The following MLLT3 variants were observed in gnomAD, a reference collection of about 807,000 sequenced individuals.
The protein encoded by MLLT3 is MLLT3 super elongation complex subunit.
In MLLT3, 4 loss-of-function variants were observed where a neutral mutation model predicts 53.2. That is an observed-to-expected ratio of 0.08 (90% CI 0.04 to 0.17). MLLT3 has a LOEUF of 0.17. Among genes scored for constraint, MLLT3 ranks in the 10% least tolerant of loss-of-function variants. The pLI, the probability that MLLT3 is intolerant of heterozygous loss-of-function variation, is 1.00. For synonymous variants in MLLT3, 283 were observed against 230.6 expected (o/e 1.23, Z -2.06); for missense variants, 569 against 684.0 (o/e 0.83, Z 1.87).
At chr9:20,367,366 G>C (rs552806455) in intron 5 of MLLT3, among the ~76,000 whole-genome samples, 2 of 152,314 alleles carry the variant, frequency 1.3e-5, no homozygotes, top group Admixed American at 1.3e-4. Context: ...TCTGTAGACT[G>C]CCAGCACTTG....
In MLLT3 at chr9:20,536,748, G is replaced by C. The variant is rs572808742; in HGVS notation, c.194-79962C>G. 8.6e-5 allele frequency among the ~76,000 whole-genome samples: 13 copies of C among 151,904 alleles called. No individual in the cohort carries two copies. In the South Asian group the frequency reaches 2.5e-3, roughly 29 times the overall value. ...TTTGTTTTAATAAAATCTACTGTGTGCATCTTTTAAAAATACAAAATTACT... is the reference window on the plus strand; with the variant it reads ...TTTGTTTTAATAAAATCTACTGTGTCCATCTTTTAAAAATACAAAATTACT... On this transcript the variant is annotated intron_variant, in intron 2 of 10. Coordinates refer to ENST00000380338, the MANE Select transcript of MLLT3 (RefSeq NM_004529.4).
chr9:20,438,003 T>G (rs1215595729), intron 4 of MLLT3, among the ~76,000 whole-genome samples: 1 of 152,170 alleles, frequency 6.6e-6, no homozygotes, highest in Non-Finnish European at 1.5e-5. Context: ...ATCAAAAGTT[T>G]TTGCTCCCTA....
In MLLT3 at chr9:20,620,796, G is replaced by T. The variant is rs1177104183; in HGVS notation, c.51C>A (p.Ala17=). ...VQVKLELGHR[A]QVRKKPTVEG... ...CCACGGTGGGTTTTTTCCTCACCTG[G>T]GCGCGGTGCCCCAGCTCCAGCTTCA... Residue 17 remains alanine (A), a synonymous_variant, in exon 2 of 11, where the codon GCC becomes GCA. Transcript: ENST00000380338. The surrounding 1 kb of genome is among the most constrained non-coding windows in gnomAD (Gnocchi z 6.1). The T allele has an allele frequency of 6.2e-7, 1 of 1,614,066 alleles. No individual in the cohort carries two copies.
At chr9:20,481,564 G>C (rs1005136246) in intron 2 of MLLT3, among the ~76,000 whole-genome samples, 1 of 152,120 alleles carries the variant, frequency 6.6e-6, no homozygotes, top group Non-Finnish European at 1.5e-5. Context: ...CAGATACAAA[G>C]AGACAACTGT....
intron 5 of MLLT3, among the ~76,000 whole-genome samples, chr9:20,371,202 C>A (rs1821591117): frequency 6.6e-6 from 1 of 152,184 alleles, no homozygotes; most frequent in Non-Finnish European, 1.5e-5. Context: ...AATAAGCCAT[C>A]TCTGTAACAT....
intron 7 of MLLT3, among the ~76,000 whole-genome samples, chr9:20,361,477 C>G (rs528820918): frequency 6.6e-6 from 1 of 152,274 alleles, no homozygotes; most frequent in African/African-American, 2.4e-5. Context: ...GCCCGGCATG[C>G]TAGGACCATT....
chr9:20,447,899 T>A (rs1339874813), intron 4 of MLLT3, among the ~76,000 whole-genome samples: 2 of 152,158 alleles, frequency 1.3e-5, no homozygotes, highest in Admixed American at 6.6e-5. Context: ...TTAAGGCTGT[T>A]TTAATAAATA....
chr9:20,385,800 A>G (rs964444315), intron 5 of MLLT3, among the ~76,000 whole-genome samples: 1 of 152,208 alleles, frequency 6.6e-6, no homozygotes. Flanking sequence ...ATAATTATAT[A>G]CCACTAATTG....
intron 2 of MLLT3, among the ~76,000 whole-genome samples, chr9:20,460,928 G>A (rs931202800): frequency 4.6e-5 from 7 of 152,158 alleles, no homozygotes; most frequent in Non-Finnish European, 8.8e-5. Flanking sequence ...AGTTCTGAGA[G>A]CACCACATGT....
intron 10 of MLLT3, among the ~76,000 whole-genome samples, chr9:20,348,945 AT>A (rs963302172): frequency 4.0e-5 from 6 of 151,558 alleles, no homozygotes; most frequent in South Asian, 2.1e-4. Flanking sequence ...TTCTGGAATA[AT>A]TTTTTTTTGC....
intron 4 of MLLT3, among the ~76,000 whole-genome samples, chr9:20,431,626 G>A (rs540112685): frequency 6.6e-6 from 1 of 152,086 alleles, no homozygotes; most frequent in East Asian, 1.9e-4. Context: ...TATGGGTCAC[G>A]GTCATAAAAG....
chr9:20,354,016 A>G (rs566123043), intron 9 of MLLT3, among the ~76,000 whole-genome samples: 1 of 152,316 alleles, frequency 6.6e-6, no homozygotes, highest in South Asian at 2.1e-4. Context: ...AAGTTTGAAC[A>G]TGGAAACAAG....
chr9:20,603,554 T>C (rs1820489171), intron 2 of MLLT3, among the ~76,000 whole-genome samples: 1 of 152,236 alleles, frequency 6.6e-6, no homozygotes, highest in East Asian at 1.9e-4. Context: ...TTATTCTATT[T>C]TGGCACGTTT....
intron 2 of MLLT3, among the ~76,000 whole-genome samples, chr9:20,588,691 T>C (rs1194941173): frequency 2.0e-5 from 3 of 152,208 alleles, no homozygotes; most frequent in Middle Eastern, 3.2e-3. Context: ...CACATTGATT[T>C]TGTATCCTGA....
chr9:20,383,050 C>A (rs1333930971), intron 5 of MLLT3, among the ~76,000 whole-genome samples: 2 of 151,784 alleles, frequency 1.3e-5, no homozygotes, highest in Non-Finnish European at 1.5e-5. Flanking sequence ...GAACTTTAAG[C>A]CCCTACTCAT....
chr9:20,495,588 T>C (rs551581961), intron 2 of MLLT3, among the ~76,000 whole-genome samples: 1 of 152,296 alleles, frequency 6.6e-6, no homozygotes, highest in Non-Finnish European at 1.5e-5. Context: ...TCAGTGCCTA[T>C]TAACAGCGTT....
At chr9:20,420,443 T>C (rs1822979246) in intron 4 of MLLT3, among the ~76,000 whole-genome samples, 1 of 152,126 alleles carries the variant, frequency 6.6e-6, no homozygotes, top group South Asian at 2.1e-4. Flanking sequence ...AAAGAAAGTA[T>C]GAGTGCTAGA....
intron 2 of MLLT3, among the ~76,000 whole-genome samples, chr9:20,531,742 C>A (rs1195898925): frequency 6.6e-6 from 1 of 152,096 alleles, no homozygotes; most frequent in African/African-American, 2.4e-5. Context: ...TTCAAAATAT[C>A]AAATATACAA....
chr9:20,550,793 T>C (rs1312872818), intron 2 of MLLT3, among the ~76,000 whole-genome samples: 1 of 152,246 alleles, frequency 6.6e-6, no homozygotes, highest in African/African-American at 2.4e-5. Flanking sequence ...GGTCTCACTC[T>C]GTTGTCCAGG....
Sources: gnomAD v4.1 joint callset for allele counts (sites outside exome capture counted in the v4.1 genomes callset) on GRCh38, gnomAD v4.1.1 for gene constraint, Gnocchi (gnomAD v3.1) non-coding constraint, MANE v1.5 for transcripts, NCBI Gene and HGNC (gene_info 2026-07-23, HGNC 2026-07-21) for gene names.